The following SCFD2 variants were observed in gnomAD, a reference collection of about 807,000 sequenced individuals.
SCFD2 encodes the protein sec1 family domain-containing protein 2.
Under a neutral mutation model 58.9 loss-of-function variants are expected in SCFD2, and 54 were observed. The observed-to-expected ratio is 0.92, with a 90% CI of 0.74 to 1.15. The LOEUF is 1.15. Ranked by LOEUF, SCFD2 falls within the 50% of genes most tolerant of loss-of-function variation. SCFD2 has a pLI of 0.00. For synonymous variants in SCFD2, 321 were observed against 335.9 expected, an observed-to-expected ratio of 0.96 and a Z score of 0.49; for missense variants, 805 against 836.6, an observed-to-expected ratio of 0.96 and a Z score of 0.47.
At chr4:53,086,687 G>T (rs571436703) in intron 5 of SCFD2, among the ~76,000 whole-genome samples, 48 of 152,210 alleles carry the variant, frequency 3.2e-4, no homozygotes, top group African/African-American at 1.1e-3. Context: ...ATACAATGGA[G>T]AACTACTCAG....
rs368482592 is a variant in SCFD2, at chr4:53,026,534, G to A, written c.1562-105664C>T. ...AAATGATGCACTAAATGGGAAACAA[G>A]GATATCAGAGCCATGTTTGAAGATT... On this transcript the variant is annotated intron_variant, in intron 5 of 8. Transcript: ENST00000401642. Among the ~76,000 whole-genome samples the A allele has an allele frequency of 3.3e-5, 5 of 152,310 alleles. No homozygotes were observed. The East Asian group carries it at 9.6e-4, about 29-fold the overall frequency.
At chr4:53,236,280 T>C (rs978520408) in intron 4 of SCFD2, among the ~76,000 whole-genome samples, 2 of 152,120 alleles carry the variant, frequency 1.3e-5, no homozygotes, top group African/African-American at 4.8e-5. Context: ...GTTCTTCAGT[T>C]TTGGGACTCA....
intron 2 of SCFD2, among the ~76,000 whole-genome samples, chr4:53,341,823 A>C (rs1733885971): frequency 6.6e-6 from 1 of 152,202 alleles, no homozygotes; most frequent in African/African-American, 2.4e-5. Flanking sequence ...AAAGAAAAGA[A>C]TTTTCAACCC....
intron 2 of SCFD2, among the ~76,000 whole-genome samples, chr4:53,321,306 T>TG (rs907031798): frequency 4.1e-4 from 62 of 152,248 alleles, no homozygotes; most frequent in African/African-American, 1.5e-3. Context: ...AAATGCAGTC[T>TG]GCTAGAAACT....
intron 5 of SCFD2, among the ~76,000 whole-genome samples, chr4:52,959,446 T>A (rs1720792920): frequency 6.6e-6 from 1 of 152,148 alleles, no homozygotes; most frequent in Admixed American, 6.5e-5. Context: ...AGGTGATTCT[T>A]AAGCATATTA....
At chr4:53,271,381 A>G (rs1163947129) in intron 4 of SCFD2, among the ~76,000 whole-genome samples, 1 of 152,040 alleles carries the variant, frequency 6.6e-6, no homozygotes, top group Non-Finnish European at 1.5e-5. Flanking sequence ...TTGCATAAAT[A>G]AATTGTATAT....
chr4:53,313,806 T>C, intron 2 of SCFD2, 43 bp from the exon 3 acceptor site: 1 of 1,607,116 alleles, frequency 6.2e-7, no homozygotes. Flanking sequence ...AAATTTCTAC[T>C]GGATACTGGA....
chr4:53,213,118 T>A (rs1439513372), intron 4 of SCFD2, among the ~76,000 whole-genome samples: 1 of 152,074 alleles, frequency 6.6e-6, no homozygotes, highest in Admixed American at 6.6e-5. Flanking sequence ...CACGATTAAA[T>A]TATTTAGTAG....
intron 5 of SCFD2, among the ~76,000 whole-genome samples, chr4:52,935,133 C>T (rs1720102958): frequency 6.6e-6 from 1 of 152,102 alleles, no homozygotes; most frequent in South Asian, 2.1e-4. Flanking sequence ...CCAGCGGGAA[C>T]AAAGATCTTT....
In SCFD2 at chr4:53,258,538, GTATATATATATATATATATATA is replaced by G. The variant is rs59321045; in HGVS notation, c.1311+15266_1311+15287del. Among the ~76,000 whole-genome samples, 454 of 119,946 alleles carry G rather than the reference GTATATATATATATATATATATA, an allele frequency of 3.8e-3. 13 individuals carry two copies. The highest frequency in any genetic ancestry group is 0.011 in the East Asian group (41 of 3,666). The allele number at this position is 119,946 out of a possible 152,430, so 78.7% of individuals were successfully genotyped here. ...CTAAGTCGTATTCCATGGTGTGTGTGTATATATATATATATATATATATATATATATATATATATACACACAC... is the reference window on the plus strand; with the variant it reads ...CTAAGTCGTATTCCATGGTGTGTGTGTATATATATATATATATACACACAC... On this transcript the variant is annotated intron_variant, in intron 4 of 8. Coordinates refer to ENST00000401642, the MANE Select transcript of SCFD2 (RefSeq NM_152540.4).
intron 5 of SCFD2, among the ~76,000 whole-genome samples, chr4:53,034,765 A>C (rs1042416958): frequency 6.6e-6 from 1 of 152,170 alleles, no homozygotes; most frequent in African/African-American, 2.4e-5. Flanking sequence ...TCCAACTTAC[A>C]AGGGATGTGA....
intron 2 of SCFD2, among the ~76,000 whole-genome samples, chr4:53,342,605 G>A (rs1177751517): frequency 6.6e-6 from 1 of 152,168 alleles, no homozygotes; most frequent in East Asian, 1.9e-4. Context: ...GCACCAAGCA[G>A]ACCTAATAGA....
intron 4 of SCFD2, among the ~76,000 whole-genome samples, chr4:53,180,924 G>A (rs775820584): frequency 3.3e-5 from 5 of 152,096 alleles, no homozygotes; most frequent in African/African-American, 9.7e-5. Context: ...TAAATTCCTC[G>A]ACAAATACAT....
chr4:53,251,109 A>G (rs1188982694), intron 4 of SCFD2, among the ~76,000 whole-genome samples: 1 of 152,242 alleles, frequency 6.6e-6, no homozygotes, highest in African/African-American at 2.4e-5. Flanking sequence ...AAACACCTCT[A>G]CGCAAATAAA....
intron 4 of SCFD2, among the ~76,000 whole-genome samples, chr4:53,146,157 T>C (rs11936236): frequency 0.45 from 67,784 of 152,012 alleles, 15,460 homozygotes; most frequent in South Asian, 0.53. Context: ...AAAATTTCTT[T>C]GAGTGAGTCA....
At chr4:53,249,925 G>A (rs529838071) in intron 4 of SCFD2, among the ~76,000 whole-genome samples, 1 of 152,276 alleles carries the variant, frequency 6.6e-6, no homozygotes, top group Non-Finnish European at 1.5e-5. Context: ...ACATCATAAT[G>A]ACAGGATCAA....
At chr4:52,993,785 ACTTTT>A (rs1721676878) in intron 5 of SCFD2, among the ~76,000 whole-genome samples, 1 of 152,254 alleles carries the variant, frequency 6.6e-6, no homozygotes, top group African/African-American at 2.4e-5. Flanking sequence ...TAGCACAGGT[ACTTTT>A]CTTTTGACAT....
intron 3 of SCFD2, among the ~76,000 whole-genome samples, chr4:53,283,254 A>G (rs566512663): frequency 1.3e-5 from 2 of 152,262 alleles, no homozygotes; most frequent in South Asian, 2.1e-4. Flanking sequence ...AATCCTACAT[A>G]TGCATTTTTT....
chr4:53,317,276 T>C (rs1732894905), intron 2 of SCFD2, among the ~76,000 whole-genome samples: 1 of 152,184 alleles, frequency 6.6e-6, no homozygotes. Flanking sequence ...TCTGAATAAT[T>C]GGCACTGAAG....
Sources: gnomAD v4.1 joint callset for allele counts (sites outside exome capture counted in the v4.1 genomes callset) on GRCh38, gnomAD v4.1.1 for gene constraint, MANE v1.5 for transcripts, NCBI Gene and HGNC (gene_info 2026-07-23, HGNC 2026-07-21) for gene names.